STK39: variants seen among roughly 807,000 people sequenced by gnomAD.
The protein encoded by STK39 is STE20/SPS1-related proline-alanine-rich protein kinase.
STK39 carries 20 observed loss-of-function variants against 77.8 expected under a neutral mutation model. The observed-to-expected ratio is 0.26, with a 90% CI of 0.18 to 0.37. The LOEUF is 0.37. Ranked by LOEUF, STK39 falls within the 10% of genes least tolerant of loss-of-function variation. STK39 has a pLI of 1.00. For synonymous variants in STK39, 246 were observed against 234.1 expected (o/e 1.05, Z -0.47); for missense variants, 479 against 656.5 (o/e 0.73, Z 2.95).
chr2:168,224,615 CAT>C (rs747844728), intron 1 of STK39, among the ~76,000 whole-genome samples: 15 of 152,322 alleles, frequency 9.8e-5, no homozygotes, highest in African/African-American at 1.9e-4. Context: ...TTAAATTACA[CAT>C]GTCCTTAACA....
intron 10 of STK39, among the ~76,000 whole-genome samples, chr2:168,081,344 G>T (rs1686225632): frequency 2.0e-5 from 3 of 152,188 alleles, no homozygotes; most frequent in Admixed American, 2.0e-4. Flanking sequence ...AGTCAAAGGA[G>T]ATCATTTTGG....
In STK39 at chr2:168,247,345, CGGCCGCCGG is replaced by C. The variant is rs1184778547; in HGVS notation, c.82_90del (p.Pro28_Ala30del). 6 of 1,045,664 alleles carry C rather than the reference CGGCCGCCGG, an allele frequency of 5.7e-6. No homozygotes were observed. The highest frequency in any genetic ancestry group is 1.7e-5 in the African/African-American group (1 of 58,592). The allele number at this position is 1,045,664 out of a possible 1,614,324, so 64.8% of individuals were successfully genotyped here. A position where few individuals can be genotyped will look rare whatever the true frequency, so the allele number is the denominator to read the frequency against. On this transcript the variant is annotated inframe_deletion, in exon 1 of 18. Coordinates refer to ENST00000355999, the MANE Select transcript of STK39 (RefSeq NM_013233.3). The stretch of plus-strand genomic sequence containing the variant: ...GCTGCCGGGGCCGGCGCTGCTGTCG[CGGCCGCCGG>C]GGCCGCCGCCGCCGCCGCTGTCACC...
intron 5 of STK39, among the ~76,000 whole-genome samples, chr2:168,157,552 G>A (rs1408041708): frequency 6.6e-6 from 1 of 152,128 alleles, no homozygotes; most frequent in African/African-American, 2.4e-5. Flanking sequence ...TCACTATCTA[G>A]TAAGGACCCG....
In STK39 at chr2:167,999,421, T is replaced by C. The variant is rs903874225; in HGVS notation, c.1498+13213A>G. ...AGGACCCTGTTTTGTTAATCAGGTG[T>C]ACTCAGCACCACAGTAGATGAGATG... On this transcript the variant is annotated intron_variant, in intron 16 of 17. Coordinates refer to ENST00000355999, the MANE Select transcript of STK39 (RefSeq NM_013233.3). 2.6e-5 allele frequency among the ~76,000 whole-genome samples: 4 copies of C among 152,192 alleles called. No homozygotes were observed. In the East Asian group the frequency reaches 7.7e-4, roughly 29 times the overall value.
chr2:167,992,048 T>C (rs1427891042), intron 16 of STK39, among the ~76,000 whole-genome samples: 1 of 152,134 alleles, frequency 6.6e-6, no homozygotes, highest in Admixed American at 6.5e-5. Flanking sequence ...CGTGCTCTGT[T>C]TGTAGGAAGA....
intron 1 of STK39, among the ~76,000 whole-genome samples, chr2:168,202,155 A>G (rs1010236738): frequency 6.6e-6 from 1 of 152,184 alleles, no homozygotes; most frequent in Non-Finnish European, 1.5e-5. Flanking sequence ...GACAAAGACA[A>G]ATTCCCAGAC....
At chr2:168,197,811 G>A (rs1038854129) in intron 1 of STK39, among the ~76,000 whole-genome samples, 6 of 152,058 alleles carry the variant, frequency 3.9e-5, no homozygotes, top group Admixed American at 2.0e-4. Flanking sequence ...TGAGGTGGCC[G>A]GATCACCTGA....
intron 1 of STK39, among the ~76,000 whole-genome samples, chr2:168,235,451 T>C (rs1432552319): frequency 2.0e-5 from 3 of 152,174 alleles, no homozygotes; most frequent in African/African-American, 7.2e-5. Flanking sequence ...GGATTTTTTT[T>C]TTTTTAATTA....
chr2:168,133,452 G>C (rs1292617329), intron 8 of STK39, among the ~76,000 whole-genome samples: 4 of 152,190 alleles, frequency 2.6e-5, no homozygotes, highest in African/African-American at 9.7e-5. Flanking sequence ...CTAAATAGCA[G>C]ATTAGAGGTT....
intron 2 of STK39, among the ~76,000 whole-genome samples, chr2:168,180,416 T>C (rs772982534): frequency 6.6e-6 from 1 of 151,168 alleles, no homozygotes; most frequent in East Asian, 1.9e-4. Context: ...AAACAGTACA[T>C]ATATTTAAAT....
intron 10 of STK39, 34 bp downstream of exon 10, chr2:168,129,507 T>A: frequency 6.2e-7 from 1 of 1,611,172 alleles, no homozygotes; most frequent in East Asian, 2.2e-5. Context: ...TGGGGATTGG[T>A]TCCTACAGGG....
At chr2:168,183,850 A>G (rs1214270855) in intron 1 of STK39, among the ~76,000 whole-genome samples, 2 of 152,240 alleles carry the variant, frequency 1.3e-5, no homozygotes, top group Non-Finnish European at 2.9e-5. Flanking sequence ...TGGCAGAGCC[A>G]AACAATACAA....
At chr2:168,025,566 C>G (rs1178816807) in intron 14 of STK39, among the ~76,000 whole-genome samples, 1 of 152,214 alleles carries the variant, frequency 6.6e-6, no homozygotes, top group African/African-American at 2.4e-5. Flanking sequence ...CACACGTATA[C>G]ATGGCTTTTG....
At chr2:168,205,500 C>T (rs1306851031) in intron 1 of STK39, among the ~76,000 whole-genome samples, 1 of 152,088 alleles carries the variant, frequency 6.6e-6, no homozygotes, top group African/African-American at 2.4e-5. Context: ...AAATTACTTG[C>T]TATGGAAAAT....
At chr2:168,189,321 G>A (rs1173190441) in intron 1 of STK39, among the ~76,000 whole-genome samples, 1 of 151,636 alleles carries the variant, frequency 6.6e-6, no homozygotes, top group Non-Finnish European at 1.5e-5. Context: ...AGTAGTCCTC[G>A]GTTCTGATTT....
At chr2:167,976,209 A>G (rs2390624) in intron 16 of STK39, among the ~76,000 whole-genome samples, 1 of 151,994 alleles carries the variant, frequency 6.6e-6, no homozygotes, top group Non-Finnish European at 1.5e-5. Context: ...GTATACTACA[A>G]GCAGTTTTCC....
chr2:168,188,291 T>G (rs752260707), intron 1 of STK39, among the ~76,000 whole-genome samples: 1 of 152,198 alleles, frequency 6.6e-6, no homozygotes, highest in Non-Finnish European at 1.5e-5. Context: ...ATGTGAGCTC[T>G]ACAGGAGTAC....
chr2:168,231,227 T>C (rs771236493), intron 1 of STK39, among the ~76,000 whole-genome samples: 4 of 152,160 alleles, frequency 2.6e-5, no homozygotes, highest in Non-Finnish European at 5.9e-5. Context: ...GCTTAAAACA[T>C]TTTTGGAAGT....
At chr2:168,082,370 A>AT (rs145030022) in intron 10 of STK39, among the ~76,000 whole-genome samples, 3,386 of 152,194 alleles carry the variant, frequency 0.022, 121 homozygotes, top group African/African-American at 0.078. Flanking sequence ...CTCACATCCT[A>AT]TCTTATCCTC....
Sources: gnomAD v4.1 joint callset for allele counts (sites outside exome capture counted in the v4.1 genomes callset) on GRCh38, gnomAD v4.1.1 for gene constraint, MANE v1.5 for transcripts, NCBI Gene and HGNC (gene_info 2026-07-23, HGNC 2026-07-21) for gene names.